Variants in MECOM observed in about 807,000 individuals in gnomAD.
MECOM encodes the protein histone-lysine N-methyltransferase MECOM.
Under a neutral mutation model 116.3 loss-of-function variants are expected in MECOM, and 13 were observed. That is an observed-to-expected ratio of 0.11 (90% CI 0.07 to 0.18). The LOEUF (loss-of-function observed/expected upper bound fraction) is 0.18, where lower values mean the gene tolerates loss of function less well. Ranked by LOEUF, MECOM falls within the 10% of genes least tolerant of loss-of-function variation. The pLI is 1.00. For missense variants in MECOM, 1,299 were observed against 1,509.0 expected (o/e 0.86, Z 2.31); for synonymous variants, 528 against 535.2 (o/e 0.99, Z 0.19).
intron 1 of MECOM, among the ~76,000 whole-genome samples, chr3:169,641,009 T>C (rs1773413181): frequency 6.6e-6 from 1 of 152,092 alleles, no homozygotes; most frequent in African/African-American, 2.4e-5. Context: ...CCAGTGACAC[T>C]CTAGATCTCC....
chr3:169,509,877 A>G, intron 1 of MECOM, among the ~76,000 whole-genome samples: 1 of 152,310 alleles, frequency 6.6e-6, no homozygotes, highest in African/African-American at 2.4e-5. Flanking sequence ...CGATTCAGGA[A>G]GAGTCCAAGC....
At chr3:169,106,115 T>C (rs1043205447) in intron 10 of MECOM, among the ~76,000 whole-genome samples, 1 of 152,170 alleles carries the variant, frequency 6.6e-6, no homozygotes, top group Non-Finnish European at 1.5e-5. Context: ...AATAACTAAC[T>C]TTTCATAAAT....
At chr3:169,322,031 A>G (rs559388142) in intron 2 of MECOM, among the ~76,000 whole-genome samples, 57 of 152,310 alleles carry the variant, frequency 3.7e-4, no homozygotes, top group African/African-American at 1.2e-3. Context: ...CTTTGCTTAC[A>G]TAATCTTACA....
At chr3:169,138,201 T>C (rs1736957213) in intron 3 of MECOM, among the ~76,000 whole-genome samples, 1 of 152,158 alleles carries the variant, frequency 6.6e-6, no homozygotes. Flanking sequence ...GTGTATGTGA[T>C]GCTTTGTGAT....
At position 169,201,632 on chromosome 3, in the gene MECOM, T is replaced by C. The variant is rs146377123; in HGVS notation, c.376-57800A>G. On this transcript the variant is annotated intron_variant, in intron 2 of 16. Coordinates refer to ENST00000651503, the MANE Select transcript of MECOM (RefSeq NM_004991.4). Reference sequence around the variant, plus strand: ...CCATAGTAAATATATTTTTGGTGGATTTTTCACCAATCATTCAATATATAA... The same window carrying C: ...CCATAGTAAATATATTTTTGGTGGACTTTTCACCAATCATTCAATATATAA... Among the ~76,000 whole-genome samples, 381 of 152,244 alleles carry C rather than the reference T, an allele frequency of 2.5e-3. 2 individuals carry two copies. The highest frequency in any genetic ancestry group is 8.7e-3 in the African/African-American group (363 of 41,560).
In MECOM at chr3:169,472,507, G is replaced by GAAAA. The variant is rs1560317572; in HGVS notation, c.38-90984_38-90983insTTTT. ...GGAAAGGAAAGGAAAGGAAAGGAAAGGAAAGGAAAGGAAAGAAAAGAAAAG... is the reference window on the plus strand; with the variant it reads ...GGAAAGGAAAGGAAAGGAAAGGAAAGAAAAGAAAGGAAAGGAAAGAAAAGAAAAG... On this transcript the variant is annotated intron_variant, in intron 1 of 16. Transcript: ENST00000651503. Among the ~76,000 whole-genome samples, 167 of 89,136 alleles carry GAAAA rather than the reference G, an allele frequency of 1.9e-3. 3 individuals carry two copies. Among genetic ancestry groups the GAAAA allele is most frequent in the East Asian group, 0.013 (47 of 3,560 alleles). The allele number at this position is 89,136 out of a possible 152,430, so 58.5% of individuals were successfully genotyped here. A position where few individuals can be genotyped will look rare whatever the true frequency, so the allele number is the denominator to read the frequency against.
intron 1 of MECOM, among the ~76,000 whole-genome samples, chr3:169,440,460 C>T (rs1340296127): frequency 6.8e-6 from 1 of 147,354 alleles, no homozygotes; most frequent in Non-Finnish European, 1.5e-5. Context: ...CCAAGAAAAG[C>T]ATTCCAGGCA....
Position 169,263,129 on chromosome 3 carries a change from G to GTT in MECOM, c.375+118056_375+118057dup, listed in dbSNP as rs1220362498. Among the ~76,000 whole-genome samples, 19 of 26,284 alleles carry GTT rather than the reference G, an allele frequency of 7.2e-4. 1 individual carries two copies. Among genetic ancestry groups the GTT allele is most frequent in the African/African-American group, 2.4e-3 (19 of 7,930 alleles). 17.2% of individuals were successfully genotyped at this position (26,284 alleles called of 152,430 possible). A position where few individuals can be genotyped will look rare whatever the true frequency, so the allele number is the denominator to read the frequency against. Reference sequence around the variant, plus strand: ...TATATATATATATATATATATATATGTTTTTTTTTTTTTTTTTGAGACAGA... The same window carrying GTT: ...TATATATATATATATATATATATATGTTTTTTTTTTTTTTTTTTTGAGACAGA... On this transcript the variant is annotated intron_variant, in intron 2 of 16. Coordinates refer to ENST00000651503, the MANE Select transcript of MECOM (RefSeq NM_004991.4).
In MECOM at chr3:169,352,150, T is replaced by G. The variant is rs182814033; in HGVS notation, c.375+29037A>C. On this transcript the variant is annotated intron_variant, in intron 2 of 16. Coordinates refer to ENST00000651503, the MANE Select transcript of MECOM (RefSeq NM_004991.4). The stretch of plus-strand genomic sequence containing the variant: ...ATCATTCAAATCTGATACGTTTTGT[T>G]TCTTTTACATTTCATTTTACATAGC... Among the ~76,000 whole-genome samples, 3 of 152,070 alleles carry G rather than the reference T, an allele frequency of 2.0e-5. No homozygotes were observed. The East Asian group carries it at 5.8e-4, about 30-fold the overall frequency.
At chr3:169,594,176 A>AAAAAC (rs1553894631) in intron 1 of MECOM, among the ~76,000 whole-genome samples, 34 of 139,792 alleles carry the variant, frequency 2.4e-4, no homozygotes, top group East Asian at 1.1e-3. Context: ...AAAAAAAAAA[A>AAAAAC]CACCTTTTCA....
intron 2 of MECOM, among the ~76,000 whole-genome samples, chr3:169,198,529 A>C (rs1214526503): frequency 6.6e-6 from 1 of 151,954 alleles, no homozygotes; most frequent in Non-Finnish European, 1.5e-5. Context: ...TTCTGATGGC[A>C]AAGTCATTAT....
chr3:169,307,317 T>G (rs1386710231), intron 2 of MECOM, among the ~76,000 whole-genome samples: 1 of 152,136 alleles, frequency 6.6e-6, no homozygotes, highest in Non-Finnish European at 1.5e-5. Flanking sequence ...AAATAATCAT[T>G]TAAAAACAGA....
At chr3:169,468,288 C>T (rs1223947474) in intron 1 of MECOM, among the ~76,000 whole-genome samples, 1 of 152,148 alleles carries the variant, frequency 6.6e-6, no homozygotes, top group Non-Finnish European at 1.5e-5. Flanking sequence ...ATACCCATCC[C>T]TTATACAAGT....
At chr3:169,327,490 T>C (rs963834787) in intron 2 of MECOM, among the ~76,000 whole-genome samples, 1 of 151,712 alleles carries the variant, frequency 6.6e-6, no homozygotes, top group Non-Finnish European at 1.5e-5. Flanking sequence ...ATACAAAAAT[T>C]AGCCGGGTAT....
rs1258750673 is a variant in MECOM, at chr3:169,089,001, T to C, written c.3584A>G (p.Gln1195Arg). 3 of 1,586,602 alleles carry C rather than the reference T, an allele frequency of 1.9e-6. No individual in the cohort carries two copies. The Admixed American group carries it at 5.5e-5, about 29-fold the overall frequency. The change falls in exon 16 of 17, where the codon CAG becomes CGG. Residue 1195 changes from glutamine to arginine, a missense_variant and splice_region_variant. Gln to Arg is a conservative substitution (Grantham distance 43). Transcript: ENST00000651503. Reference protein sequence around the residue: ...KQPLHRKSKSQAYAMMLSLSD... With the variant: ...KQPLHRKSKSRAYAMMLSLSD... ...GCTGTACTATGGGAAAATCTGTACC[T>C]GCGATTTGGACTTTCTGTGTAACGG...
chr3:169,452,734 ATGAG>A (rs1251260586), intron 1 of MECOM, among the ~76,000 whole-genome samples: 6 of 152,220 alleles, frequency 3.9e-5, no homozygotes, highest in African/African-American at 1.4e-4. Flanking sequence ...TATTTCTTGA[ATGAG>A]TGAGTGAATG....
intron 2 of MECOM, among the ~76,000 whole-genome samples, chr3:169,363,260 T>G (rs180903697): frequency 1.4e-4 from 21 of 152,130 alleles, no homozygotes; most frequent in Middle Eastern, 3.4e-3. Context: ...GGGAAATGTA[T>G]TTGGTCCAAA....
intron 1 of MECOM, among the ~76,000 whole-genome samples, chr3:169,602,551 A>T (rs1479737958): frequency 6.6e-6 from 1 of 152,124 alleles, no homozygotes; most frequent in Non-Finnish European, 1.5e-5. Flanking sequence ...CCTGGCTTCT[A>T]TTCACTAGAT....
chr3:169,526,328 T>C (rs1034141599), intron 1 of MECOM, among the ~76,000 whole-genome samples: 10 of 152,176 alleles, frequency 6.6e-5, no homozygotes, highest in African/African-American at 2.4e-4. Flanking sequence ...ATCATATATA[T>C]AATATACAAA....
Sources: gnomAD v4.1 joint callset for allele counts (sites outside exome capture counted in the v4.1 genomes callset) on GRCh38, gnomAD v4.1.1 for gene constraint, MANE v1.5 for transcripts, NCBI Gene and HGNC (gene_info 2026-07-23, HGNC 2026-07-21) for gene names.